Variants in CDH12 observed in about 807,000 individuals in gnomAD.
CDH12 encodes the protein cadherin-12.
A neutral mutation model predicts 74.1 loss-of-function variants in CDH12; 41 were observed. That is an observed-to-expected ratio of 0.55 (90% CI 0.43 to 0.72). CDH12 has a LOEUF of 0.72. Ranked by LOEUF, CDH12 falls within the 30% of genes least tolerant of loss-of-function variation. The pLI is 0.00. For missense variants in CDH12, 945 were observed against 977.2 expected, an observed-to-expected ratio of 0.97 and a Z score of 0.44; for synonymous variants, 399 against 355.0, an observed-to-expected ratio of 1.12 and a Z score of -1.39.
intron 5 of CDH12, among the ~76,000 whole-genome samples, chr5:22,023,101 T>A (rs948858362): frequency 1.2e-4 from 19 of 152,126 alleles, no homozygotes; most frequent in African/African-American, 4.6e-4. Context: ...GTCTGCAGGG[T>A]CTTACATTAT....
chr5:22,586,506 A>AT lies in CDH12; in HGVS notation c.-522-81143_-522-81142insA, dbSNP rs1366866807. Among the ~76,000 whole-genome samples, 131 of 129,078 alleles carry AT rather than the reference A, an allele frequency of 1.0e-3. No homozygotes were observed. The East Asian group carries it at 0.015, about 14-fold the overall frequency. 84.7% of individuals were successfully genotyped at this position (129,078 alleles called of 152,430 possible). ...GTATAATAAAATATATATATATATAAATAAAAATAAAACTTGAAGTAAAAT... is the reference window on the plus strand; with the variant it reads ...GTATAATAAAATATATATATATATAATATAAAAATAAAACTTGAAGTAAAAT... On this transcript the variant is annotated intron_variant, in intron 1 of 14. Transcript: ENST00000382254.
chr5:22,242,759 G>A (rs974769667), intron 3 of CDH12, among the ~76,000 whole-genome samples: 1 of 152,106 alleles, frequency 6.6e-6, no homozygotes, highest in African/African-American at 2.4e-5. Flanking sequence ...ATCAGTACTA[G>A]CCTTAAGCTA....
At chr5:22,083,970 C>CAG (rs2150230919) in intron 4 of CDH12, among the ~76,000 whole-genome samples, 1 of 152,244 alleles carries the variant, frequency 6.6e-6, no homozygotes, top group South Asian at 2.1e-4. Context: ...TTTAAGCTAT[C>CAG]AGGTCAATAT....
intron 5 of CDH12, among the ~76,000 whole-genome samples, chr5:22,054,237 C>T (rs1740585218): frequency 6.6e-6 from 1 of 152,052 alleles, no homozygotes; most frequent in Non-Finnish European, 1.5e-5. Flanking sequence ...TCATCATCAC[C>T]TCCTCTTAAC....
At chr5:21,983,908 C>A (rs1757412840) in intron 5 of CDH12, among the ~76,000 whole-genome samples, 1 of 152,060 alleles carries the variant, frequency 6.6e-6, no homozygotes, top group African/African-American at 2.4e-5. Context: ...TTTAAGTGTT[C>A]TTTTAAAAAT....
At chr5:22,529,225 AAGAG>A (rs1256625324) in intron 1 of CDH12, among the ~76,000 whole-genome samples, 9 of 136,558 alleles carry the variant, frequency 6.6e-5, no homozygotes, top group African/African-American at 1.9e-4. Context: ...AGAGAGAGAG[AAGAG>A]AGAGAGAGAG....
intron 3 of CDH12, among the ~76,000 whole-genome samples, chr5:22,343,331 G>GACACACAC (rs1739971031): frequency 8.3e-6 from 1 of 120,298 alleles, no homozygotes; most frequent in Non-Finnish European, 1.7e-5. Context: ...CACAGAGAGA[G>GACACACAC]AGAGAGAGAG....
In CDH12 at chr5:22,255,284, A is replaced by G. The variant is rs192512964; in HGVS notation, c.-332-42641T>C. 2.1e-3 allele frequency among the ~76,000 whole-genome samples: 319 copies of G among 151,658 alleles called. 2 individuals carry two copies. Among genetic ancestry groups the G allele is most frequent in the African/African-American group, 7.3e-3 (302 of 41,428 alleles). On this transcript the variant is annotated intron_variant, in intron 3 of 14. Transcript: ENST00000382254. ...TGTGATTTTTTTTTTTGAGTGATGT[A>G]TGAGTTTCTATTTTTCACCATAAGG...
rs1234379085 is a variant in CDH12, at chr5:21,750,899, T to C, written c.*838A>G. 2 of 151,988 alleles carry C rather than the reference T, an allele frequency of 1.3e-5. No individual in the cohort carries two copies. Among genetic ancestry groups the C allele is most frequent in the Non-Finnish European group, 2.9e-5 (2 of 67,964 alleles). The allele number at this position is 151,988 out of a possible 1,614,324, so 9.4% of individuals were successfully genotyped here. ...AGCAAAACCAATATTTATTTTAATG[T>C]GTAATTTGAGCCCTGAGGCCTCTCT... On this transcript the variant is annotated 3_prime_UTR_variant, in exon 15 of 15. Coordinates refer to ENST00000382254, the MANE Select transcript of CDH12 (RefSeq NM_004061.5).
chr5:22,439,280 C>CA (rs1055958431), intron 2 of CDH12, among the ~76,000 whole-genome samples: 7 of 151,130 alleles, frequency 4.6e-5, no homozygotes, highest in East Asian at 1.9e-4. Context: ...CCTGCTTTGA[C>CA]AAAAAAAAGA....
At chr5:22,390,353 T>A (rs1195310809) in intron 3 of CDH12, among the ~76,000 whole-genome samples, 1 of 152,224 alleles carries the variant, frequency 6.6e-6, no homozygotes, top group Non-Finnish European at 1.5e-5. Flanking sequence ...GTAATGTAAC[T>A]TACTTCAAAT....
intron 3 of CDH12, among the ~76,000 whole-genome samples, chr5:22,281,421 G>C (rs996177579): frequency 2.6e-5 from 4 of 152,158 alleles, no homozygotes; most frequent in African/African-American, 9.7e-5. Context: ...AATAGGAAGA[G>C]AGGAAGTCAA....
intron 6 of CDH12, among the ~76,000 whole-genome samples, chr5:21,966,712 GC>G (rs1183293835): frequency 6.6e-6 from 1 of 151,890 alleles, no homozygotes; most frequent in Non-Finnish European, 1.5e-5. Context: ...TAATTATTTG[GC>G]CTGATGATGA....
At chr5:22,705,070 G>T (rs956176524) in intron 1 of CDH12, among the ~76,000 whole-genome samples, 1 of 150,006 alleles carries the variant, frequency 6.7e-6, no homozygotes, top group African/African-American at 2.5e-5. Context: ...CGTGTTTGTG[G>T]GGGGAGTGGA....
chr5:21,819,249 T>C (rs1224447846), intron 8 of CDH12, among the ~76,000 whole-genome samples: 2 of 152,002 alleles, frequency 1.3e-5, no homozygotes, highest in Non-Finnish European at 2.9e-5. Context: ...ACCATGATCC[T>C]AGTGAGGCAC....
intron 1 of CDH12, among the ~76,000 whole-genome samples, chr5:22,706,487 A>G (rs1219862073): frequency 6.6e-6 from 1 of 151,988 alleles, no homozygotes; most frequent in Non-Finnish European, 1.5e-5. Flanking sequence ...TGTTACATTT[A>G]TTTTTATAAT....
chr5:22,271,005 C>T (rs1736375564), intron 3 of CDH12, among the ~76,000 whole-genome samples: 1 of 151,996 alleles, frequency 6.6e-6, no homozygotes, highest in Non-Finnish European at 1.5e-5. Context: ...CTATAATAAG[C>T]ATATTCTTTA....
chr5:22,504,366 A>C lies in CDH12; in HGVS notation c.-428+904T>G, dbSNP rs570154058. ...AAGCTAATCTCATAAAAGGATAATG[A>C]GAAAGAAAAAGAAAAGGCTTCATCT... On this transcript the variant is annotated intron_variant, in intron 2 of 14. Coordinates refer to ENST00000382254, the MANE Select transcript of CDH12 (RefSeq NM_004061.5). 1.6e-3 allele frequency among the ~76,000 whole-genome samples: 250 copies of C among 152,204 alleles called. 1 individual carries two copies. Among genetic ancestry groups the C allele is most frequent in the African/African-American group, 5.9e-3 (244 of 41,570 alleles).
chr5:21,883,752 GA>G (rs555011419), intron 6 of CDH12: 1,163 of 1,584,076 alleles, frequency 7.3e-4, no homozygotes, highest in Non-Finnish European at 8.7e-4. Context: ...ATATGAAAAG[GA>G]AAAACTGAAT....
Sources: gnomAD v4.1 joint callset for allele counts (sites outside exome capture counted in the v4.1 genomes callset) on GRCh38, gnomAD v4.1.1 for gene constraint, MANE v1.5 for transcripts, NCBI Gene and HGNC (gene_info 2026-07-23, HGNC 2026-07-21) for gene names.